Variants in ACSM2A observed in about 807,000 individuals in gnomAD.
ACSM2A encodes acyl-coenzyme A synthetase ACSM2A, mitochondrial.
Under a neutral mutation model 76.6 loss-of-function variants are expected in ACSM2A, and 72 were observed. The ratio of observed to expected loss-of-function variants is 0.94; its 90% CI spans 0.78 to 1.14. The LOEUF is 1.14. Among genes scored for constraint, ACSM2A ranks in the 50% most tolerant of loss-of-function variants. The probability of loss-of-function intolerance (pLI) is 0.00; values close to 1 mark genes in which losing one functional copy is unlikely to be tolerated. For synonymous variants in ACSM2A, 249 were observed against 255.9 expected (o/e 0.97, Z 0.26); for missense variants, 684 against 708.5 (o/e 0.97, Z 0.39).
chr16:20,465,164 C>T lies in ACSM2A; in HGVS notation c.178-353C>T, dbSNP rs112688135. ...TAAAGGGAATTGCAGAATAAATAGA[C>T]GCAATAAATAAATAAAATAATGCCA... On this transcript the variant is annotated intron_variant, in intron 2 of 13. Transcript: ENST00000573854. Among the ~76,000 whole-genome samples the T allele has an allele frequency of 5.3e-3, 800 of 151,934 alleles. 7 individuals are homozygous for T. Among genetic ancestry groups the T allele is most frequent in the African/African-American group, 0.018 (737 of 41,430 alleles).
chr16:20,478,557 A>G lies in ACSM2A; in HGVS notation c.1180-19A>G. On this transcript the variant is annotated intron_variant, in intron 9 of 13. Transcript: ENST00000573854. ...CTCCTGCTGTGTGCATCATTCTTCCAATCTGCTTCTTTCTCCAGATCATAG... is the reference window on the plus strand; with the variant it reads ...CTCCTGCTGTGTGCATCATTCTTCCGATCTGCTTCTTTCTCCAGATCATAG... The G allele has an allele frequency of 6.2e-7, 1 of 1,611,466 alleles. No homozygotes were observed.
Position 20,478,556 on chromosome 16 carries a change from C to T in ACSM2A, c.1180-20C>T. The T allele has an allele frequency of 2.5e-6, 4 of 1,610,476 alleles. No individual in the cohort carries two copies. The highest frequency in any genetic ancestry group is 2.5e-6 in the Non-Finnish European group (3 of 1,177,632). ...TCTCCTGCTGTGTGCATCATTCTTC[C>T]AATCTGCTTCTTTCTCCAGATCATA... On this transcript the variant is annotated intron_variant, in intron 9 of 13. Coordinates refer to ENST00000573854, the MANE Select transcript of ACSM2A (RefSeq NM_001308172.2).
chr16:20,462,109 A>G (rs1484668702), intron 2 of ACSM2A, among the ~76,000 whole-genome samples: 3 of 152,208 alleles, frequency 2.0e-5, no homozygotes, highest in Admixed American at 6.5e-5. Flanking sequence ...TCTGAAAAAT[A>G]TCTCAAAGGT....
intron 12 of ACSM2A, 77 bp from the exon 13 acceptor site, chr16:20,482,981 T>C (rs905585544): frequency 8.6e-5 from 135 of 1,576,060 alleles, no homozygotes; most frequent in Middle Eastern, 3.5e-4. Context: ...ATGGAAGTCT[T>C]AATGCCAATT....
chr16:20,475,748 G>T lies in ACSM2A; in HGVS notation c.1073G>T (p.Arg358Leu). 6.2e-7 allele frequency: 1 copy of T among 1,614,020 alleles called. No homozygotes were observed. Among genetic ancestry groups the T allele is most frequent in the South Asian group, 1.1e-5 (1 of 91,076 alleles). The change falls in exon 8 of 14, where the codon CGA becomes CTA. Residue 358 changes from arginine (R) to leucine (L), a missense_variant. Around this residue, in one of 3 missense-constraint regions of ACSM2A, gnomAD observed 519 missense variants for 549.5 expected, o/e 0.94. Transcript: ENST00000573854. ...NWRAQTGLDI[R>L]ESYGQTETGL... The stretch of plus-strand genomic sequence containing the variant: ...AGGGCCCAGACAGGACTGGACATCC[G>T]AGAATCCTATGGCCAGACAGAAACG...
intron 4 of ACSM2A, among the ~76,000 whole-genome samples, chr16:20,470,172 A>T (rs1267157517): frequency 6.6e-6 from 1 of 152,158 alleles, no homozygotes. Context: ...TGGAAACAAC[A>T]TGATGTTAAC....
chr16:20,466,725 CT>C (rs1423140332), intron 3 of ACSM2A, among the ~76,000 whole-genome samples: 8 of 152,218 alleles, frequency 5.3e-5, no homozygotes, highest in African/African-American at 1.9e-4. Flanking sequence ...GTATCAGTTA[CT>C]GATCTGGGTA....
At chr16:20,456,021 A>G (rs1057221250) in intron 1 of ACSM2A, among the ~76,000 whole-genome samples, 102 of 149,916 alleles carry the variant, frequency 6.8e-4, no homozygotes, top group Admixed American at 1.3e-3. Flanking sequence ...GACAAAACAA[A>G]CTTTAAAGCC....
chr16:20,474,580 C>G (rs1204353097), intron 6 of ACSM2A, among the ~76,000 whole-genome samples: 1 of 152,116 alleles, frequency 6.6e-6, no homozygotes, highest in African/African-American at 2.4e-5. Context: ...TCAGTTACAG[C>G]AAAAGAAAAC....
intron 6 of ACSM2A, 104 bp downstream of exon 6, chr16:20,471,793 C>T (rs907510813): frequency 2.5e-5 from 38 of 1,535,416 alleles, no homozygotes; most frequent in East Asian, 9.1e-5. Context: ...TTGCTAAACC[C>T]CTGCCATGTG....
chr16:20,452,302 A>G (rs2011806974), intron 1 of ACSM2A: 1 of 151,152 alleles, frequency 6.6e-6, no homozygotes, highest in South Asian at 2.1e-4. Flanking sequence ...AGGCAGAAAA[A>G]TATGAAAAGA....
chr16:20,466,310 G>A (rs1467469261), intron 3 of ACSM2A, among the ~76,000 whole-genome samples: 3 of 152,122 alleles, frequency 2.0e-5, no homozygotes, highest in Admixed American at 1.3e-4. Context: ...AAGTCTCAAT[G>A]GAAGTGATAT....
At chr16:20,467,170 A>T (rs1392628921) in intron 3 of ACSM2A, among the ~76,000 whole-genome samples, 12 of 152,162 alleles carry the variant, frequency 7.9e-5, no homozygotes, top group African/African-American at 2.9e-4. Flanking sequence ...TTATAAAAGA[A>T]CCTAAAAGGA....
At chr16:20,485,579 G>A (rs151258776) in intron 13 of ACSM2A, among the ~76,000 whole-genome samples, 55 of 152,328 alleles carry the variant, frequency 3.6e-4, no homozygotes, top group Middle Eastern at 3.4e-3. Flanking sequence ...GTTTCTAAAT[G>A]CATGGGTATG....
At chr16:20,459,775 G>T (rs2012489791) in intron 1 of ACSM2A, among the ~76,000 whole-genome samples, 1 of 152,094 alleles carries the variant, frequency 6.6e-6, no homozygotes, top group Non-Finnish European at 1.5e-5. Flanking sequence ...GAATGGAAAG[G>T]GAGTGAATTG....
intron 2 of ACSM2A, among the ~76,000 whole-genome samples, chr16:20,463,774 G>GT (rs2012781500): frequency 6.6e-6 from 1 of 152,192 alleles, no homozygotes; most frequent in Non-Finnish European, 1.5e-5. Flanking sequence ...ACAGTATTTG[G>GT]TTTTTTGTGT....
chr16:20,459,144 G>A (rs866744790), intron 1 of ACSM2A, among the ~76,000 whole-genome samples: 1 of 151,722 alleles, frequency 6.6e-6, no homozygotes, highest in African/African-American at 2.4e-5. Flanking sequence ...TGAGGACTTG[G>A]GGGAAATGAT....
chr16:20,479,503 C>G (rs1247680766), intron 10 of ACSM2A, among the ~76,000 whole-genome samples: 1 of 152,140 alleles, frequency 6.6e-6, no homozygotes, highest in Non-Finnish European at 1.5e-5. Flanking sequence ...AGGGAAGTTA[C>G]CTATCTGTCA....
rs1422018784 is a variant in ACSM2A at position 20,486,901 on chromosome 16, A to G, written c.*223A>G. 4 of 469,496 alleles carry G rather than the reference A, an allele frequency of 8.5e-6. No individual in the cohort carries two copies. Among genetic ancestry groups the G allele is most frequent in the African/African-American group, 4.0e-5 (2 of 50,186 alleles). 29.1% of individuals were successfully genotyped at this position (469,496 alleles called of 1,614,324 possible). A position where few individuals can be genotyped will look rare whatever the true frequency, so the allele number is the denominator to read the frequency against. On this transcript the variant is annotated 3_prime_UTR_variant, in exon 14 of 14. Coordinates refer to ENST00000573854, the MANE Select transcript of ACSM2A (RefSeq NM_001308172.2). ...AAGGAGAGGGTAACAGAAAAAAAGG[A>G]AAGAAAAGTAAGTCAGGGAAATATT...
Sources: allele counts gnomAD v4.1 joint callset (sites outside exome capture counted in the v4.1 genomes callset), GRCh38; gene constraint gnomAD v4.1.1; regional missense constraint gnomAD v4.1.1; transcripts MANE v1.5; gene names NCBI Gene and HGNC (gene_info 2026-07-23, HGNC 2026-07-21).